Variants in STARD5 observed in about 807,000 individuals in gnomAD.
STARD5 encodes the protein stAR-related lipid transfer protein 5.
In STARD5, 26 loss-of-function variants were observed where a neutral mutation model predicts 24.6. The ratio of observed to expected loss-of-function variants is 1.06; its 90% CI spans 0.77 to 1.47. STARD5 has a LOEUF of 1.47. STARD5 is among the 40% of genes most tolerant of loss of function. The pLI is 0.00. For missense variants in STARD5, 254 were observed against 270.8 expected (o/e 0.94, Z 0.44); for synonymous variants, 101 against 99.7 (o/e 1.01, Z -0.07).
intron 5 of STARD5, among the ~76,000 whole-genome samples, chr15:81,317,058 A>G (rs1483139398): frequency 2.6e-5 from 4 of 152,012 alleles, no homozygotes; most frequent in Non-Finnish European, 5.9e-5. Context: ...TTAGCCAGGC[A>G]TGGTGGCAGG....
In STARD5 at chr15:81,323,314, GC is replaced by G. The variant is rs1166244303; in HGVS notation, c.100-367del. 2 of 338,740 alleles carry G rather than the reference GC, an allele frequency of 5.9e-6. 1 individual carries two copies. Among genetic ancestry groups the G allele is most frequent in the African/African-American group, 4.5e-5 (2 of 44,670 alleles). The allele number at this position is 338,740 out of a possible 1,614,324, so 21.0% of individuals were successfully genotyped here. ...GGCAACGACAAAGAGAGGGGTTCAT[GC>G]TGTAATGAAAAGTCAGAAGGGTCAA... On this transcript the variant is annotated intron_variant, in intron 1 of 5. Coordinates refer to ENST00000302824, the MANE Select transcript of STARD5 (RefSeq NM_181900.3).
intron 1 of STARD5, 164 bp downstream of exon 1, chr15:81,323,836 CT>C (rs148236522): frequency 3.4e-5 from 26 of 773,424 alleles, no homozygotes; most frequent in Non-Finnish European, 4.8e-5. Flanking sequence ...CAGGCCCAAT[CT>C]TTTTTTTAAA....
At chr15:81,323,765 TTGGGCAAGTCAC>T (rs1305287480) in intron 1 of STARD5, 1 of 722,940 alleles carries the variant, frequency 1.4e-6, no homozygotes. Context: ...CCAGGTGACC[TTGGGCAAGTCAC>T]TGAGTGAAAG....
intron 2 of STARD5, 30 bp downstream of exon 2, chr15:81,322,869 T>C (rs759802682): frequency 6.2e-7 from 1 of 1,614,106 alleles, no homozygotes; most frequent in Non-Finnish European, 8.5e-7. Context: ...GCGGCACCTC[T>C]GGTAATCTTT....
chr15:81,322,483 C>A lies in STARD5; in HGVS notation c.207G>T (p.Lys69Asn). 3 of 1,614,244 alleles carry A rather than the reference C, an allele frequency of 1.9e-6. No homozygotes were observed. The highest frequency in any genetic ancestry group is 1.3e-5 in the African/African-American group (1 of 75,052). ...TCACTCGTAGGCCTCCAACAGCTGG[C>A]TTCACACAGTCCCACACCTCCTCTA... ...GTLEEVWDCV[K>N]PAVGGLRVKW... is the part of the protein sequence containing the mutation. Residue 69 changes from lysine (K) to asparagine (N), a missense_variant, in exon 3 of 6, where the codon AAG becomes AAT. Coordinates refer to ENST00000302824, the MANE Select transcript of STARD5 (RefSeq NM_181900.3).
At position 81,309,738 on chromosome 15, in the gene STARD5, A is replaced by G. The variant is rs1176274777; in HGVS notation, c.*3518T>C. ...GCCGACAGAAGGAACCAGCGTGTAT[A>G]TGAGGGTATCAAATAAAATTGCTAC... On this transcript the variant is annotated 3_prime_UTR_variant, in exon 6 of 6. Transcript: ENST00000302824. The G allele has an allele frequency of 2.0e-5, 3 of 152,264 alleles. No individual in the cohort carries two copies. The highest frequency in any genetic ancestry group is 6.5e-5 in the Admixed American group (1 of 15,278). The allele number at this position is 152,264 out of a possible 1,614,324, so 9.4% of individuals were successfully genotyped here.
intron 5 of STARD5, among the ~76,000 whole-genome samples, chr15:81,315,703 C>T (rs918563458): frequency 6.6e-6 from 1 of 152,072 alleles, no homozygotes; most frequent in Non-Finnish European, 1.5e-5. Context: ...CACCTCACCC[C>T]CAATGAGTCC....
intron 3 of STARD5, among the ~76,000 whole-genome samples, chr15:81,319,743 C>T (rs1901158019): frequency 6.6e-6 from 1 of 152,156 alleles, no homozygotes; most frequent in South Asian, 2.1e-4. Context: ...TTATTGAGCA[C>T]CTAGTAAGAG....
rs1253269083 is a variant in STARD5, at chr15:81,310,873, C to T, written c.*2383G>A. On this transcript the variant is annotated 3_prime_UTR_variant, in exon 6 of 6. Coordinates refer to ENST00000302824, the MANE Select transcript of STARD5 (RefSeq NM_181900.3). ...AGCAAGTGATTGGGACAGAGGTTAT[C>T]TGTCCCAGGTTATCTGGGCATAGAT... 2 of 152,264 alleles carry T rather than the reference C, an allele frequency of 1.3e-5. No homozygotes were observed. Among genetic ancestry groups the T allele is most frequent in the African/African-American group, 4.8e-5 (2 of 41,460 alleles). 9.4% of individuals were successfully genotyped at this position (152,264 alleles called of 1,614,324 possible).
chr15:81,317,090 G>A (rs748748211), intron 5 of STARD5, among the ~76,000 whole-genome samples: 2 of 151,716 alleles, frequency 1.3e-5, no homozygotes, highest in Admixed American at 6.6e-5. Context: ...CCAGCTACTC[G>A]GGAGGCTGAG....
intron 5 of STARD5, among the ~76,000 whole-genome samples, chr15:81,316,919 C>G (rs1451862769): frequency 6.6e-6 from 1 of 152,104 alleles, no homozygotes; most frequent in African/African-American, 2.4e-5. Flanking sequence ...TGCAATCGGG[C>G]CAGGCGCGGT....
In STARD5 at chr15:81,317,111, C is replaced by T. The variant is rs543157991; in HGVS notation, c.494+1298G>A. On this transcript the variant is annotated intron_variant, in intron 5 of 5. Coordinates refer to ENST00000302824, the MANE Select transcript of STARD5 (RefSeq NM_181900.3). The stretch of plus-strand genomic sequence containing the variant: ...ACTCGGGAGGCTGAGGCAGGAGAAT[C>T]GCTTGAGCCTGGGAGGCAGAGGTTG... Among the ~76,000 whole-genome samples, 6 of 151,150 alleles carry T rather than the reference C, an allele frequency of 4.0e-5. No individual in the cohort carries two copies. The East Asian group carries it at 9.7e-4, about 24-fold the overall frequency.
chr15:81,320,460 C>T (rs1173151740), intron 3 of STARD5, among the ~76,000 whole-genome samples: 1 of 152,208 alleles, frequency 6.6e-6, no homozygotes, highest in African/African-American at 2.4e-5. Context: ...GCTGCACCTG[C>T]ACACAGGGTC....
At chr15:81,317,187 T>TC in intron 5 of STARD5, among the ~76,000 whole-genome samples, 1 of 118,544 alleles carries the variant, frequency 8.4e-6, no homozygotes, top group East Asian at 2.6e-4. Flanking sequence ...ACAGCCAAAC[T>TC]CCGTCTCAAA....
rs1283622889 is a variant in STARD5 at position 81,322,594 on chromosome 15, G to C, written c.150-54C>G. Reference sequence around the variant, plus strand: ...ACGCATCAATCAAACTTGTTATCTTGAGATTGTATCTAAGGACTAGAAGGT... The same window carrying C: ...ACGCATCAATCAAACTTGTTATCTTCAGATTGTATCTAAGGACTAGAAGGT... On this transcript the variant is annotated intron_variant, in intron 2 of 5. Transcript: ENST00000302824. The C allele has an allele frequency of 3.1e-6, 5 of 1,612,374 alleles. No homozygotes were observed. In the East Asian group the frequency reaches 1.1e-4, roughly 36 times the overall value.
Position 81,313,249 on chromosome 15 carries a change from G to A in STARD5, c.*7C>T, listed in dbSNP as rs200163674. 127 of 1,551,550 alleles carry A rather than the reference G, an allele frequency of 8.2e-5. No homozygotes were observed. In the African/African-American group the frequency reaches 1.4e-3, roughly 17 times the overall value. On this transcript the variant is annotated 3_prime_UTR_variant, in exon 6 of 6. Transcript: ENST00000302824. Reference sequence around the variant, plus strand: ...CGGGAGTTCTTTGCCAAGAAGTAACGATAGCATTACTCATGGAATTGCTTC... The same window carrying A: ...CGGGAGTTCTTTGCCAAGAAGTAACAATAGCATTACTCATGGAATTGCTTC...
At chr15:81,313,633 G>C (rs886793096) in intron 5 of STARD5, 1 of 340,944 alleles carries the variant, frequency 2.9e-6, no homozygotes, top group Non-Finnish European at 5.2e-6. Context: ...CCTCCAGGGA[G>C]GAAGAAGTCC....
rs537143952 is a variant in STARD5, at chr15:81,310,357, G to T, written c.*2899C>A. The T allele has an allele frequency of 1.3e-5, 2 of 152,288 alleles. No individual in the cohort carries two copies. Among genetic ancestry groups the T allele is most frequent in the East Asian group, 3.9e-4 (2 of 5,170 alleles). The allele number at this position is 152,288 out of a possible 1,614,324, so 9.4% of individuals were successfully genotyped here. On this transcript the variant is annotated 3_prime_UTR_variant, in exon 6 of 6. Coordinates refer to ENST00000302824, the MANE Select transcript of STARD5 (RefSeq NM_181900.3). ...TAACCTTCCTGTAAACCCCTTTAGT[G>T]GCTTCATTAGAGCAGGCGTTCAGCT...
Position 81,322,438 on chromosome 15 carries a change from G to A in STARD5, c.252C>T (p.Thr84=), listed in dbSNP as rs142670896. 50 of 1,614,148 alleles carry A rather than the reference G, an allele frequency of 3.1e-5. No homozygotes were observed. In the African/African-American group the frequency reaches 5.6e-4, roughly 18 times the overall value. The change falls in exon 3 of 6, where the codon ACC becomes ACT. Residue 84 remains threonine, a synonymous_variant. Transcript: ENST00000302824. ...GLRVKWDENV[T]GFEIIQSITD... ...TGATGCTTTGGATAATTTCAAAACCGGTCACATTCTCATCCCACTTCACTC... is the reference window on the plus strand; with the variant it reads ...TGATGCTTTGGATAATTTCAAAACCAGTCACATTCTCATCCCACTTCACTC...
Sources: allele counts gnomAD v4.1 joint callset (sites outside exome capture counted in the v4.1 genomes callset), GRCh38; gene constraint gnomAD v4.1.1; transcripts MANE v1.5; gene names NCBI Gene and HGNC (gene_info 2026-07-23, HGNC 2026-07-21).